The following ABCA13 variants were observed in gnomAD, a reference collection of about 807,000 sequenced individuals.
ABCA13 encodes ATP binding cassette subfamily A member 13.
Under a neutral mutation model 478.7 loss-of-function variants are expected in ABCA13, and 476 were observed. The observed-to-expected ratio is 0.99, with a 90% CI of 0.92 to 1.07. The LOEUF is 1.07. ABCA13 is among the 50% of genes least tolerant of loss of function. The pLI, the probability that ABCA13 is intolerant of heterozygous loss-of-function variation, is 0.00. For missense variants in ABCA13, 6,060 were observed against 5,910.6 expected, an observed-to-expected ratio of 1.03 and a Z score of -0.83; for synonymous variants, 2,252 against 2,158.9, an observed-to-expected ratio of 1.04 and a Z score of -1.20.
intron 55 of ABCA13, among the ~76,000 whole-genome samples, chr7:48,549,013 C>T (rs1173537700): frequency 6.6e-6 from 1 of 151,578 alleles, no homozygotes; most frequent in African/African-American, 2.4e-5. Context: ...CCAGACAACT[C>T]TAGCCTATTT....
chr7:48,314,130 T>A (rs1802189937), intron 25 of ABCA13, 102 bp from the exon 26 acceptor site: 1 of 1,262,654 alleles, frequency 7.9e-7, no homozygotes, highest in Non-Finnish European at 1.1e-6. Context: ...TTGTTGAATA[T>A]CTTGTACATT....
intron 5 of ABCA13, among the ~76,000 whole-genome samples, chr7:48,222,439 T>G (rs904239034): frequency 2.6e-5 from 4 of 152,180 alleles, no homozygotes; most frequent in Non-Finnish European, 5.9e-5. Context: ...TGCTCTGTAA[T>G]TGTTCTGAAA....
intron 22 of ABCA13, among the ~76,000 whole-genome samples, chr7:48,297,786 C>CTTTTTTTTTTT (rs11393352): frequency 7.0e-6 from 1 of 142,002 alleles, no homozygotes; most frequent in African/African-American, 2.7e-5. Flanking sequence ...TTCTTTCTTT[C>CTTTTTTTTTTT]TTTTTTTTTT....
At chr7:48,477,000 G>A (rs970497131) in intron 45 of ABCA13, among the ~76,000 whole-genome samples, 5 of 152,196 alleles carry the variant, frequency 3.3e-5, no homozygotes, top group African/African-American at 1.2e-4. Flanking sequence ...CAAGGTGAGT[G>A]CATGAGGGTG....
intron 12 of ABCA13, 110 bp downstream of exon 12, chr7:48,245,722 A>G: frequency 1.4e-6 from 2 of 1,431,896 alleles, no homozygotes; most frequent in Non-Finnish European, 1.9e-6. Flanking sequence ...AAAAAAGGGA[A>G]CAATATGCAG....
At chr7:48,500,029 C>G (rs1830608341) in intron 48 of ABCA13, among the ~76,000 whole-genome samples, 1 of 152,266 alleles carries the variant, frequency 6.6e-6, no homozygotes, top group African/African-American at 2.4e-5. Context: ...TCCAGAAAAT[C>G]AGGGTTGTAG....
At chr7:48,222,100 G>A (rs1319940098) in intron 5 of ABCA13, among the ~76,000 whole-genome samples, 4 of 152,256 alleles carry the variant, frequency 2.6e-5, no homozygotes, top group South Asian at 4.2e-4. Flanking sequence ...AAGAATAGGG[G>A]CCAGCTAATG....
At chr7:48,292,594 C>T (rs1798687929) in intron 20 of ABCA13, among the ~76,000 whole-genome samples, 1 of 152,178 alleles carries the variant, frequency 6.6e-6, no homozygotes, top group Admixed American at 6.5e-5. Context: ...TCTCCTTCTG[C>T]CCTCCCCGGC....
chr7:48,279,571 T>G lies in ABCA13; in HGVS notation c.8377T>G (p.Leu2793Val). 6.2e-7 allele frequency: 1 copy of G among 1,613,460 alleles called. No homozygotes were observed. ...AATTAAAAGTGACTATGAAGGTGAT[T>G]TGAATAAAAGTTTATATTTTGACAC... The part of the protein sequence containing the change: ...SGIKSDYEGD[L>V]NKSLYFDTPL... The change falls in exon 18 of 62, where the codon TTG (leucine) becomes GTG (valine). Residue 2793 changes from leucine (L) to valine (V), a missense_variant. Physicochemically the swap from Leu to Val is conservative, Grantham distance 32. Transcript: ENST00000435803.
At chr7:48,466,914 A>C (rs1160135893) in intron 43 of ABCA13, 42 bp from the exon 44 acceptor site, 5 of 1,597,642 alleles carry the variant, frequency 3.1e-6, no homozygotes, top group Admixed American at 1.7e-5. Flanking sequence ...GGGAGCCACT[A>C]ATAATCCCAC....
At chr7:48,631,616 A>G (rs940278412) in intron 59 of ABCA13, among the ~76,000 whole-genome samples, 9 of 151,608 alleles carry the variant, frequency 5.9e-5, no homozygotes, top group African/African-American at 2.2e-4. Flanking sequence ...TTTTTTATTA[A>G]GATTGCTTTA....
At chr7:48,289,725 T>C (rs1011616786) in intron 20 of ABCA13, among the ~76,000 whole-genome samples, 3 of 152,180 alleles carry the variant, frequency 2.0e-5, no homozygotes, top group Admixed American at 6.6e-5. Flanking sequence ...GACTCCAGCT[T>C]TCAGAGCAAC....
Position 48,471,551 on chromosome 7 carries a change from C to T in ABCA13, c.12927C>T (p.Arg4309=), listed in dbSNP as rs1312878194. The T allele has an allele frequency of 6.4e-7, 1 of 1,562,398 alleles. No homozygotes were observed. The highest frequency in any genetic ancestry group is 8.7e-7 in the Non-Finnish European group (1 of 1,151,328). ...TTAGGAAGAATTCTTCATGCTGGCG[C>T]ACAGATCCCTTTTCTCACCCAGAAT... ...NPRQKNSSCW[R]TDPFSHPEFQ... Residue 4309 remains arginine (R), a synonymous_variant, in exon 45 of 62, where the codon CGC becomes CGT. Transcript: ENST00000435803.
chr7:48,636,490 A>G (rs1794646115), intron 59 of ABCA13, among the ~76,000 whole-genome samples: 2 of 152,130 alleles, frequency 1.3e-5, no homozygotes, highest in African/African-American at 4.8e-5. Flanking sequence ...ATTTCATGCC[A>G]GGGAGTCCAG....
intron 55 of ABCA13, among the ~76,000 whole-genome samples, chr7:48,570,593 T>G (rs12718285): frequency 0.089 from 13,480 of 151,786 alleles, 971 homozygotes; most frequent in African/African-American, 0.2. Flanking sequence ...AAAGTGCTGG[T>G]ATTACAGGTG....
Position 48,627,072 on chromosome 7 carries a change from A to G in ABCA13, c.14837+11695A>G, listed in dbSNP as rs1563524396. On this transcript the variant is annotated intron_variant, in intron 59 of 61. Transcript: ENST00000435803. ...TGTTGCTGCATTTATTTTAATTATT[A>G]CTAAATATAGGCAATTTGCCAAATG... 4.1e-6 allele frequency: 4 copies of G among 984,094 alleles called. No homozygotes were observed. The East Asian group carries it at 3.4e-4, about 84-fold the overall frequency. The allele number at this position is 984,094 out of a possible 1,614,324, so 61.0% of individuals were successfully genotyped here. A position where few individuals can be genotyped will look rare whatever the true frequency, so the allele number is the denominator to read the frequency against.
At chr7:48,396,424 A>C (rs1431443221) in intron 38 of ABCA13, among the ~76,000 whole-genome samples, 1 of 152,168 alleles carries the variant, frequency 6.6e-6, no homozygotes, top group East Asian at 1.9e-4. Context: ...ATCTCATTCA[A>C]GTGTCTTTTC....
intron 23 of ABCA13, among the ~76,000 whole-genome samples, chr7:48,308,636 T>C (rs547867888): frequency 1.3e-5 from 2 of 152,196 alleles, no homozygotes; most frequent in South Asian, 4.2e-4. Flanking sequence ...TTCATCTCCA[T>C]TATAATCTTA....
intron 43 of ABCA13, among the ~76,000 whole-genome samples, chr7:48,463,740 G>A (rs1449892307): frequency 1.3e-5 from 2 of 148,748 alleles, no homozygotes; most frequent in Non-Finnish European, 3.0e-5. Context: ...AGGGAAGGAA[G>A]GAATAAAGAA....
Sources: allele counts gnomAD v4.1 joint callset (sites outside exome capture counted in the v4.1 genomes callset), GRCh38; gene constraint gnomAD v4.1.1; transcripts MANE v1.5; gene names NCBI Gene and HGNC (gene_info 2026-07-23, HGNC 2026-07-21).